C11orf24: variants seen among roughly 807,000 people sequenced by gnomAD.
C11orf24 encodes uncharacterized protein C11orf24.
Under a neutral mutation model 7.3 loss-of-function variants are expected in C11orf24, and 5 were observed. That is an observed-to-expected ratio of 0.69 (90% CI 0.36 to 1.45). C11orf24 has a LOEUF of 1.45. C11orf24 is among the 40% of genes most tolerant of loss of function. The pLI is 0.03. For missense variants in C11orf24, 566 were observed against 590.5 expected (o/e 0.96, Z 0.43); for synonymous variants, 233 against 235.7 (o/e 0.99, Z 0.11).
Position 68,261,477 on chromosome 11 carries a change from C to A in C11orf24, c.*168G>T. 1.7e-6 allele frequency: 1 copy of A among 604,414 alleles called. No homozygotes were observed. The highest frequency in any genetic ancestry group is 2.8e-6 in the Non-Finnish European group (1 of 355,170). 37.4% of individuals were successfully genotyped at this position (604,414 alleles called of 1,614,324 possible). ...ACAAAAATAAATATGAAAAAAGCAG[C>A]AACTCTTTAGTGATCATGGAATTAA... On this transcript the variant is annotated 3_prime_UTR_variant, in exon 4 of 4. Coordinates refer to ENST00000304271, the MANE Select transcript of C11orf24 (RefSeq NM_022338.4).
At chr11:68,271,125 G>A (rs747826195) in intron 1 of C11orf24, among the ~76,000 whole-genome samples, 1 of 152,186 alleles carries the variant, frequency 6.6e-6, no homozygotes. Flanking sequence ...GTATTTTAAA[G>A]ATTTTCCTAG....
chr11:68,269,512 A>G (rs1163173496), intron 1 of C11orf24, among the ~76,000 whole-genome samples: 1 of 152,262 alleles, frequency 6.6e-6, no homozygotes, highest in Admixed American at 6.5e-5. Flanking sequence ...CTCCCAACAC[A>G]GATGCCCACG....
In C11orf24 at chr11:68,261,462, A is replaced by G. The variant is rs1005750706; in HGVS notation, c.*183T>C. On this transcript the variant is annotated 3_prime_UTR_variant, in exon 4 of 4. Coordinates refer to ENST00000304271, the MANE Select transcript of C11orf24 (RefSeq NM_022338.4). ...GGCACAGAATCATTTACAAAAATAAATATGAAAAAAGCAGCAACTCTTTAG... is the reference window on the plus strand; with the variant it reads ...GGCACAGAATCATTTACAAAAATAAGTATGAAAAAAGCAGCAACTCTTTAG... The G allele has an allele frequency of 1.5e-5, 9 of 596,618 alleles. No homozygotes were observed. The highest frequency in any genetic ancestry group is 2.4e-5 in the South Asian group (1 of 41,218). The allele number at this position is 596,618 out of a possible 1,614,324, so 37.0% of individuals were successfully genotyped here.
chr11:68,263,191 G>T, intron 3 of C11orf24: 1 of 505,298 alleles, frequency 2.0e-6, no homozygotes. Flanking sequence ...TTCACTATTT[G>T]ATCCAATTCC....
At chr11:68,269,736 G>A (rs1435196464) in intron 1 of C11orf24, among the ~76,000 whole-genome samples, 2 of 152,200 alleles carry the variant, frequency 1.3e-5, no homozygotes, top group African/African-American at 2.4e-5. Flanking sequence ...GGGTTTCTCA[G>A]GAAACTTCTG....
At chr11:68,271,074 T>G (rs2098567686) in intron 1 of C11orf24, among the ~76,000 whole-genome samples, 1 of 152,224 alleles carries the variant, frequency 6.6e-6, no homozygotes, top group Non-Finnish European at 1.5e-5. Flanking sequence ...CTGACATTCC[T>G]TTGTCCATTA....
intron 1 of C11orf24, among the ~76,000 whole-genome samples, chr11:68,269,225 CAG>C (rs898375766): frequency 7.2e-5 from 11 of 152,036 alleles, no homozygotes. Flanking sequence ...CAGAAAGGCA[CAG>C]AGTTATCCCA....
In C11orf24 at chr11:68,261,938, G is replaced by T. The variant is rs766776199; in HGVS notation, c.1057C>A (p.Pro353Thr). ...GTTGGCCCAGTGGAATCAGTACCTGGTGTGGCTTCAGTCTCTACCTGCTCC... is the reference window on the plus strand; with the variant it reads ...GTTGGCCCAGTGGAATCAGTACCTGTTGTGGCTTCAGTCTCTACCTGCTCC... ...APEQVETEAT[P>T]GTDSTGPTPR... Residue 353 changes from proline to threonine, a missense_variant, in exon 4 of 4, where the codon CCA (proline) becomes ACA (threonine). Coordinates refer to ENST00000304271, the MANE Select transcript of C11orf24 (RefSeq NM_022338.4). 8.1e-6 allele frequency: 13 copies of T among 1,613,896 alleles called. No individual in the cohort carries two copies. In the South Asian group the frequency reaches 1.4e-4, roughly 18 times the overall value.
rs182348258 is a variant in C11orf24, at chr11:68,262,980, G to A, written c.77-62C>T. The A allele has an allele frequency of 7.9e-4, 1,202 of 1,514,596 alleles. 15 individuals are homozygous for A. In the Admixed American group the frequency reaches 0.02, roughly 26 times the overall value. 93.8% of individuals were successfully genotyped at this position (1,514,596 alleles called of 1,614,324 possible). Reference sequence around the variant, plus strand: ...ATGTTCAATCCTGCACAGGGGGATTGCTCAGGGATCGGCTTCCACCCAGGC... The same window carrying A: ...ATGTTCAATCCTGCACAGGGGGATTACTCAGGGATCGGCTTCCACCCAGGC... On this transcript the variant is annotated intron_variant, in intron 3 of 3. Coordinates refer to ENST00000304271, the MANE Select transcript of C11orf24 (RefSeq NM_022338.4).
chr11:68,267,779 G>A (rs1005699283), intron 2 of C11orf24: 1 of 152,258 alleles, frequency 6.6e-6, no homozygotes. Context: ...CTTGAACCTG[G>A]GAGGCAGAGG....
rs773017261 is a variant in C11orf24, at chr11:68,263,758, C to G, written c.10G>C (p.Ala4Pro). MWT[A>P]LVLIWIFSLS... ...GAGAAAATCCAAATGAGCACAAGAG[C>G]TGTCCACATCTTGTGGGTGAGCTGG... is the stretch of plus-strand genomic sequence containing the variant. Residue 4 changes from alanine to proline, a missense_variant, in exon 3 of 4, where the codon GCT becomes CCT. Coordinates refer to ENST00000304271, the MANE Select transcript of C11orf24 (RefSeq NM_022338.4). 6.2e-7 allele frequency: 1 copy of G among 1,612,872 alleles called. No individual in the cohort carries two copies. The highest frequency in any genetic ancestry group is 2.2e-5 in the East Asian group (1 of 44,882).
chr11:68,263,357 T>C, intron 3 of C11orf24: 1 of 421,788 alleles, frequency 2.4e-6, no homozygotes, highest in Admixed American at 4.1e-5. Context: ...CAGGAATTCT[T>C]GGAAATGAAT....
intron 1 of C11orf24, among the ~76,000 whole-genome samples, chr11:68,269,034 T>G (rs1486599500): frequency 6.6e-6 from 1 of 152,206 alleles, no homozygotes; most frequent in East Asian, 1.9e-4. Context: ...TGGAAAGATT[T>G]GCACTAGAAT....
At chr11:68,268,974 G>C (rs181620088) in intron 1 of C11orf24, among the ~76,000 whole-genome samples, 1 of 152,282 alleles carries the variant, frequency 6.6e-6, no homozygotes, top group Non-Finnish European at 1.5e-5. Flanking sequence ...ACACAGCAAC[G>C]TGTGGACCAT....
chr11:68,263,081 C>A (rs2098562796), intron 3 of C11orf24, among the ~76,000 whole-genome samples, 163 bp from the exon 4 acceptor site: 1 of 152,230 alleles, frequency 6.6e-6, no homozygotes, highest in African/African-American at 2.4e-5. Flanking sequence ...CATCTCTCTT[C>A]CCACTGTTGG....
At chr11:68,270,883 G>A (rs1400570419) in intron 1 of C11orf24, among the ~76,000 whole-genome samples, 3 of 152,198 alleles carry the variant, frequency 2.0e-5, no homozygotes, top group Admixed American at 2.0e-4. Context: ...CAGACTTATG[G>A]CTTTGTGTAT....
At chr11:68,269,454 T>C (rs1311714903) in intron 1 of C11orf24, among the ~76,000 whole-genome samples, 1 of 152,218 alleles carries the variant, frequency 6.6e-6, no homozygotes. Context: ...CCTCTTATCA[T>C]GGGAAGGTTA....
chr11:68,262,770 G>A lies in C11orf24; in HGVS notation c.225C>T (p.Asn75=). ...LTKGTSAAHL[N]SMEVTTEDTS... is the part of the protein sequence containing the mutation. ...TGTCCTCTGTTGTGACTTCCATAGA[G>A]TTGAGGTGGGCTGCCGAAGTCCCTT... is the stretch of plus-strand genomic sequence containing the variant. The change falls in exon 4 of 4, where the codon AAC becomes AAT. Residue 75 remains asparagine, a synonymous_variant. Transcript: ENST00000304271. The A allele has an allele frequency of 6.2e-7, 1 of 1,614,168 alleles. No individual in the cohort carries two copies. The highest frequency in any genetic ancestry group is 8.5e-7 in the Non-Finnish European group (1 of 1,180,038).
rs1381396387 is a variant in C11orf24, at chr11:68,261,448, A to G, written c.*197T>C. The G allele has an allele frequency of 5.2e-6, 3 of 580,662 alleles. No homozygotes were observed. The highest frequency in any genetic ancestry group is 2.9e-5 in the East Asian group (1 of 34,034). 36.0% of individuals were successfully genotyped at this position (580,662 alleles called of 1,614,324 possible). A position where few individuals can be genotyped will look rare whatever the true frequency, so the allele number is the denominator to read the frequency against. ...CCCAGCTGCTCCTGGGCACAGAATC[A>G]TTTACAAAAATAAATATGAAAAAAG... On this transcript the variant is annotated 3_prime_UTR_variant, in exon 4 of 4. Transcript: ENST00000304271.
Sources: gnomAD v4.1 joint callset for allele counts (sites outside exome capture counted in the v4.1 genomes callset) on GRCh38, gnomAD v4.1.1 for gene constraint, MANE v1.5 for transcripts, NCBI Gene and HGNC (gene_info 2026-07-23, HGNC 2026-07-21) for gene names.